The following GADL1 variants were observed in gnomAD, a reference collection of about 807,000 sequenced individuals.
The protein encoded by GADL1 is GAD like acidic amino acid decarboxylase 1.
A neutral mutation model predicts 69.5 loss-of-function variants in GADL1; 71 were observed. That is an observed-to-expected ratio of 1.02 (90% CI 0.84 to 1.25). The LOEUF (loss-of-function observed/expected upper bound fraction) is 1.25, where lower values mean the gene tolerates loss of function less well. Ranked by LOEUF, GADL1 falls within the 50% of genes most tolerant of loss-of-function variation. The pLI is 0.00. For missense variants in GADL1, 737 were observed against 631.8 expected (o/e 1.17, Z -1.79); for synonymous variants, 254 against 214.4 (o/e 1.18, Z -1.62).
intron 14 of GADL1, among the ~76,000 whole-genome samples, chr3:30,773,032 G>T (rs1696451111): frequency 6.6e-6 from 1 of 152,022 alleles, no homozygotes; most frequent in Admixed American, 6.5e-5. Flanking sequence ...GGAGAGATAG[G>T]GAGGAATGAC....
At chr3:30,763,468 C>T (rs28726373) in intron 14 of GADL1, among the ~76,000 whole-genome samples, 60,388 of 142,056 alleles carry the variant, frequency 0.43, 12,892 homozygotes, top group Non-Finnish European at 0.44. Flanking sequence ...TGCCACCTCA[C>T]TCCAGCCTGG....
chr3:30,863,720 C>A (rs916839541), intron 1 of GADL1, among the ~76,000 whole-genome samples: 1 of 145,066 alleles, frequency 6.9e-6, no homozygotes, highest in African/African-American at 2.5e-5. Flanking sequence ...CAAAAAAAAA[C>A]CCTTCTAAAT....
At chr3:30,807,009 C>T (rs895128681) in intron 11 of GADL1, among the ~76,000 whole-genome samples, 1 of 152,194 alleles carries the variant, frequency 6.6e-6, no homozygotes, top group Non-Finnish European at 1.5e-5. Flanking sequence ...GGTGTCAGAG[C>T]TCAAAGCCTG....
intron 1 of GADL1, among the ~76,000 whole-genome samples, chr3:30,890,275 C>A (rs1350720772): frequency 1.3e-5 from 2 of 152,158 alleles, no homozygotes; most frequent in Non-Finnish European, 2.9e-5. Flanking sequence ...GTTTACTGAA[C>A]AAACACATGT....
intron 14 of GADL1, among the ~76,000 whole-genome samples, chr3:30,767,563 C>T (rs904889081): frequency 1.6e-4 from 24 of 152,070 alleles, no homozygotes; most frequent in Admixed American, 9.2e-4. Context: ...TCATACTTTG[C>T]ATGATACACT....
chr3:30,765,338 C>T (rs1229906014), intron 14 of GADL1, among the ~76,000 whole-genome samples: 1 of 152,084 alleles, frequency 6.6e-6, no homozygotes, highest in Non-Finnish European at 1.5e-5. Context: ...GATGAGTAGT[C>T]ATATTCTGTA....
At chr3:30,863,279 G>A (rs746182075) in intron 1 of GADL1, among the ~76,000 whole-genome samples, 4 of 151,962 alleles carry the variant, frequency 2.6e-5, no homozygotes, top group Admixed American at 6.6e-5. Flanking sequence ...CATAGAGAGT[G>A]ATAGAGGAAA....
chr3:30,876,972 T>C (rs1055539515), intron 1 of GADL1, among the ~76,000 whole-genome samples: 2 of 151,900 alleles, frequency 1.3e-5, no homozygotes, highest in African/African-American at 4.8e-5. Context: ...TAATTCTTGA[T>C]TCAGAGTCTG....
At chr3:30,734,927 G>A (rs1296931354) in intron 14 of GADL1, among the ~76,000 whole-genome samples, 1 of 152,148 alleles carries the variant, frequency 6.6e-6, no homozygotes, top group Non-Finnish European at 1.5e-5. Flanking sequence ...GCACCTTCAT[G>A]TTTCTTAGAG....
intron 8 of GADL1, among the ~76,000 whole-genome samples, chr3:30,839,736 T>C (rs1697936390): frequency 7.9e-5 from 12 of 152,132 alleles, no homozygotes; most frequent in Admixed American, 7.9e-4. Context: ...AAAGAAAATC[T>C]GTGTCACTTC....
chr3:30,738,615 C>T (rs6787491), intron 14 of GADL1, among the ~76,000 whole-genome samples: 16,602 of 152,206 alleles, frequency 0.11, 1,018 homozygotes, highest in East Asian at 0.23. Context: ...ATGAGTATCA[C>T]TCCATCTGAG....
chr3:30,728,213 T>A lies in GADL1; in HGVS notation c.*29A>T, dbSNP rs1275983196. ...GGATCTAAACTCTCCCAGGATAGGA[T>A]CTATGCCTCTGGGGGACCAAAGCCA... On this transcript the variant is annotated 3_prime_UTR_variant, in exon 15 of 15. Coordinates refer to ENST00000282538, the MANE Select transcript of GADL1 (RefSeq NM_207359.3). 2 of 1,595,600 alleles carry A rather than the reference T, an allele frequency of 1.3e-6. No homozygotes were observed. The highest frequency in any genetic ancestry group is 2.7e-5 in the African/African-American group (2 of 74,622).
intron 13 of GADL1, among the ~76,000 whole-genome samples, chr3:30,782,144 C>G (rs972867265): frequency 9.9e-5 from 15 of 152,150 alleles, no homozygotes; most frequent in African/African-American, 3.6e-4. Flanking sequence ...TGAAGGACTT[C>G]TCGTATGATG....
intron 11 of GADL1, among the ~76,000 whole-genome samples, chr3:30,827,987 T>G (rs890842502): frequency 4.0e-5 from 6 of 151,886 alleles, no homozygotes; most frequent in African/African-American, 1.2e-4. Context: ...TCTAAAGAAA[T>G]TTATAATGTA....
Position 30,894,600 on chromosome 3 carries a change from C to G in GADL1, c.15G>C (p.Ser5=), listed in dbSNP as rs549518182. MSSD[S]DRQCPVDGDI... is the part of the protein sequence containing the mutation. ...TACCGTCCACAGGACACTGGCGGTC[C>G]GAGTCGCTGCTCATCTCCGCTCCCC... Residue 5 remains serine, a synonymous_variant, in exon 1 of 15, where the codon TCG becomes TCC. Coordinates refer to ENST00000282538, the MANE Select transcript of GADL1 (RefSeq NM_207359.3). The G allele has an allele frequency of 6.4e-7, 1 of 1,551,082 alleles. No individual in the cohort carries two copies. The highest frequency in any genetic ancestry group is 1.2e-5 in the South Asian group (1 of 84,010).
chr3:30,785,395 T>TCC lies in GADL1; in HGVS notation c.1302+958_1302+959dup, dbSNP rs780920430. ...AGATTTCTTTTTCTTTTTTTTTTTT[T>TCC]CCCCCCGAGACAGAGTTTCACTCTT... On this transcript the variant is annotated intron_variant, in intron 13 of 14. Transcript: ENST00000282538. Among the ~76,000 whole-genome samples, 263 of 149,754 alleles carry TCC rather than the reference T, an allele frequency of 1.8e-3. 1 individual carries two copies. Among genetic ancestry groups the TCC allele is most frequent in the African/African-American group, 6.0e-3 (244 of 40,812 alleles).
intron 8 of GADL1, 127 bp downstream of exon 8, chr3:30,844,083 T>C (rs1174358559): frequency 2.3e-5 from 16 of 701,306 alleles, no homozygotes; most frequent in Non-Finnish European, 3.7e-5. Flanking sequence ...CTCTCTCCTC[T>C]CTCCCACACA....
intron 11 of GADL1, among the ~76,000 whole-genome samples, chr3:30,802,479 G>C (rs890167576): frequency 4.6e-5 from 7 of 152,120 alleles, no homozygotes; most frequent in African/African-American, 1.7e-4. Flanking sequence ...GTGCTGTACA[G>C]GAAGCTACAA....
intron 14 of GADL1, among the ~76,000 whole-genome samples, chr3:30,737,806 T>C (rs964598855): frequency 3.3e-5 from 5 of 152,234 alleles, no homozygotes; most frequent in African/African-American, 1.2e-4. Flanking sequence ...AAATCAGACA[T>C]GCGCAAAATA....
Sources: allele counts gnomAD v4.1 joint callset (sites outside exome capture counted in the v4.1 genomes callset), GRCh38; gene constraint gnomAD v4.1.1; transcripts MANE v1.5; gene names NCBI Gene and HGNC (gene_info 2026-07-23, HGNC 2026-07-21).